The following RAPH1 variants were observed in gnomAD, a reference collection of about 807,000 sequenced individuals.
RAPH1 encodes the protein ras-associated and pleckstrin homology domains-containing protein 1.
A neutral mutation model predicts 88.1 loss-of-function variants in RAPH1; 18 were observed. The ratio of observed to expected loss-of-function variants is 0.20; its 90% confidence interval spans 0.14 to 0.30. RAPH1 has a LOEUF of 0.30. Among genes scored for constraint, RAPH1 ranks in the 10% least tolerant of loss-of-function variants. RAPH1 has a pLI of 1.00. For synonymous variants in RAPH1, 587 were observed against 559.0 expected (o/e 1.05, Z -0.71); for missense variants, 1,448 against 1,543.2 (o/e 0.94, Z 1.03).
At chr2:203,464,425 C>T (rs2098526816) in intron 4 of RAPH1, among the ~76,000 whole-genome samples, 1 of 152,196 alleles carries the variant, frequency 6.6e-6, no homozygotes, top group Admixed American at 6.5e-5. Flanking sequence ...ATGCCCGCCA[C>T]CATGCCCGGC....
At chr2:203,486,380 A>C (rs915613178) in intron 4 of RAPH1, among the ~76,000 whole-genome samples, 7 of 152,208 alleles carry the variant, frequency 4.6e-5, no homozygotes, top group African/African-American at 1.7e-4. Context: ...GAGCTCAATC[A>C]AAATATATTT....
intron 1 of RAPH1, among the ~76,000 whole-genome samples, chr2:203,508,866 C>T (rs1340309208): frequency 1.3e-5 from 2 of 151,992 alleles, no homozygotes; most frequent in Non-Finnish European, 2.9e-5. Context: ...TACGTTTAGT[C>T]TAAGGACACT....
intron 4 of RAPH1, among the ~76,000 whole-genome samples, chr2:203,464,905 T>G (rs1380475159): frequency 1.3e-5 from 2 of 152,154 alleles, no homozygotes; most frequent in Non-Finnish European, 2.9e-5. Context: ...TGTTCAACAT[T>G]ATTTGTCATT....
chr2:203,441,923 A>G (rs968407114), intron 13 of RAPH1: 21 of 1,364,936 alleles, frequency 1.5e-5, no homozygotes, highest in Non-Finnish European at 2.0e-5. Flanking sequence ...TAGTAAGCTG[A>G]CACAGGAGAG....
rs757808171 is a variant in RAPH1 at position 203,438,238 on chromosome 2, A to AG, written c.*1198_*1199insC. 9.2e-5 allele frequency: 47 copies of AG among 511,730 alleles called. No homozygotes were observed. The East Asian group carries it at 2.4e-3, about 26-fold the overall frequency. 31.7% of individuals were successfully genotyped at this position (511,730 alleles called of 1,614,324 possible). On this transcript the variant is annotated 3_prime_UTR_variant, in exon 14 of 14. Transcript: ENST00000319170. The stretch of plus-strand genomic sequence containing the variant: ...GTCTTCCCTCTCCATGTAGTCCCAT[A>AG]CTTAATGAGCTTTTTGTATTACATA...
At chr2:203,490,188 G>T in intron 3 of RAPH1, 99 bp from the exon 4 acceptor site, 1 of 1,191,312 alleles carries the variant, frequency 8.4e-7, no homozygotes, top group Non-Finnish European at 1.2e-6. Flanking sequence ...ATTTTGTTGG[G>T]CCTAAAGCAA....
At chr2:203,469,126 G>C (rs2098531018) in intron 4 of RAPH1, among the ~76,000 whole-genome samples, 1 of 152,198 alleles carries the variant, frequency 6.6e-6, no homozygotes, top group Non-Finnish European at 1.5e-5. Flanking sequence ...TTGGAAATGT[G>C]CTCTTGGGAG....
intron 7 of RAPH1, among the ~76,000 whole-genome samples, chr2:203,459,343 G>C (rs956458397): frequency 6.6e-6 from 1 of 152,110 alleles, no homozygotes; most frequent in Admixed American, 6.6e-5. Flanking sequence ...TTGTGGAGTT[G>C]TTTTCCCTCA....
intron 4 of RAPH1, among the ~76,000 whole-genome samples, chr2:203,471,125 T>C (rs963172239): frequency 3.3e-5 from 5 of 152,246 alleles, no homozygotes; most frequent in African/African-American, 1.2e-4. Context: ...TGTTTTGATA[T>C]ATACATGTAA....
rs2098500827 is a variant in RAPH1, at chr2:203,439,156, A to G, written c.*281T>C. 3.0e-6 allele frequency: 1 copy of G among 329,076 alleles called. No homozygotes were observed. The highest frequency in any genetic ancestry group is 2.0e-5 in the African/African-American group (1 of 48,802). The allele number at this position is 329,076 out of a possible 1,614,324, so 20.4% of individuals were successfully genotyped here. On this transcript the variant is annotated 3_prime_UTR_variant, in exon 14 of 14. Coordinates refer to ENST00000319170, the MANE Select transcript of RAPH1 (RefSeq NM_213589.3). ...CCCCTTCTATGCCTCTTCCACCCAA[A>G]ATACAGAACACCCATTTTCAGATTA...
chr2:203,520,051 G>T (rs1179458511), intron 1 of RAPH1, among the ~76,000 whole-genome samples: 3 of 152,178 alleles, frequency 2.0e-5, no homozygotes, highest in African/African-American at 7.2e-5. Flanking sequence ...ACAGAGGCCA[G>T]GCACAGTGGC....
intron 1 of RAPH1, among the ~76,000 whole-genome samples, chr2:203,526,360 A>C (rs1690113479): frequency 6.6e-6 from 1 of 152,222 alleles, no homozygotes; most frequent in Non-Finnish European, 1.5e-5. Flanking sequence ...TCTTCCACAA[A>C]CATTACTTTC....
chr2:203,461,949 T>C (rs1211300036), intron 4 of RAPH1, 24 bp from the exon 5 acceptor site: 2 of 1,575,272 alleles, frequency 1.3e-6, no homozygotes. Flanking sequence ...GCATTTCAGA[T>C]AAACAATGCT....
Position 203,454,480 on chromosome 2 carries a change from C to G in RAPH1, c.1363G>C (p.Asp455His), listed in dbSNP as rs1416136582. The change falls in exon 10 of 14, where the codon GAC becomes CAC. Residue 455 changes from aspartate (D) to histidine (H), a missense_variant. Transcript: ENST00000319170. Reference protein sequence around the residue: ...LDHVNVYYGQDYRNKYKAPTD... With the variant: ...LDHVNVYYGQHYRNKYKAPTD... ...GGTGCTTTGTATTTGTTCCGATAGT[C>G]CTGGCCATAATAAACGTTGACATGA... 5.0e-6 allele frequency: 8 copies of G among 1,613,766 alleles called. No individual in the cohort carries two copies. Among genetic ancestry groups the G allele is most frequent in the Non-Finnish European group, 6.8e-6 (8 of 1,179,890 alleles).
At chr2:203,482,008 G>GA (rs144615684) in intron 4 of RAPH1, among the ~76,000 whole-genome samples, 37,782 of 145,190 alleles carry the variant, frequency 0.26, 5,897 homozygotes, top group South Asian at 0.5. Flanking sequence ...TACTTCTGCA[G>GA]AAAAAAAAAA....
rs1167808970 is a variant in RAPH1, at chr2:203,535,277, A to ACTGG, written c.-168_-167insCCAG. On this transcript the variant is annotated 5_prime_UTR_variant, in exon 1 of 14. Coordinates refer to ENST00000319170, the MANE Select transcript of RAPH1 (RefSeq NM_213589.3). ...CGCTCAGTGACTGACTGACTGACTGACTGACTGACTGACTGACTGACTGGC... is the reference window on the plus strand; with the variant it reads ...CGCTCAGTGACTGACTGACTGACTGACTGGCTGACTGACTGACTGACTGACTGGC... The ACTGG allele has an allele frequency of 4.7e-4, 70 of 149,784 alleles. 1 individual carries two copies. The highest frequency in any genetic ancestry group is 1.6e-3 in the African/African-American group (67 of 40,798). 9.3% of individuals were successfully genotyped at this position (149,784 alleles called of 1,614,324 possible). A position where few individuals can be genotyped will look rare whatever the true frequency, so the allele number is the denominator to read the frequency against.
intron 1 of RAPH1, among the ~76,000 whole-genome samples, chr2:203,529,005 A>ATATATATATAT (rs1553633903): frequency 4.9e-5 from 2 of 41,150 alleles, no homozygotes; most frequent in African/African-American, 2.4e-4. Context: ...ATATATATAT[A>ATATATATATAT]TTTTTTTTTT....
In RAPH1 at chr2:203,489,705, A is replaced by G. The variant is rs1688157901; in HGVS notation, c.611T>C (p.Ile204Thr). ...GATGCTGGAATGGGAGGAATTACTAATAGAGTGTACTTCAGCATCACTCAC... is the reference window on the plus strand; with the variant it reads ...GATGCTGGAATGGGAGGAATTACTAGTAGAGTGTACTTCAGCATCACTCAC... ...GTVSDAEVHS[I>T]SNSSHSSITS... is the part of the protein sequence containing the mutation. The change falls in exon 4 of 14, where the codon ATT becomes ACT. Residue 204 changes from isoleucine (I) to threonine (T), a missense_variant. Around this residue, in one of 2 missense-constraint regions of RAPH1, gnomAD observed 513 missense variants for 653.1 expected, o/e 0.79. Coordinates refer to ENST00000319170, the MANE Select transcript of RAPH1 (RefSeq NM_213589.3). 6.2e-7 allele frequency: 1 copy of G among 1,614,066 alleles called. No homozygotes were observed. Among genetic ancestry groups the G allele is most frequent in the South Asian group, 1.1e-5 (1 of 91,086 alleles).
chr2:203,514,452 A>T (rs1461957819), intron 1 of RAPH1, among the ~76,000 whole-genome samples: 2 of 152,242 alleles, frequency 1.3e-5, no homozygotes, highest in African/African-American at 4.8e-5. Context: ...AACTTAGTGT[A>T]CAACAAAATA....
Sources: allele counts gnomAD v4.1 joint callset (sites outside exome capture counted in the v4.1 genomes callset), GRCh38; gene constraint gnomAD v4.1.1; regional missense constraint gnomAD v4.1.1; transcripts MANE v1.5; gene names NCBI Gene and HGNC (gene_info 2026-07-23, HGNC 2026-07-21).